The following CFAP251 variants were observed in gnomAD, a reference collection of about 807,000 sequenced individuals.
The protein encoded by CFAP251 is cilia and flagella associated protein 251.
In CFAP251, 93 loss-of-function variants were observed where a neutral mutation model predicts 126.7. The observed-to-expected ratio is 0.73, with a 90% confidence interval of 0.62 to 0.87. The LOEUF (loss-of-function observed/expected upper bound fraction) is 0.87, where lower values mean the gene tolerates loss of function less well. CFAP251 is among the 40% of genes least tolerant of loss of function. The pLI is 0.00. For synonymous variants in CFAP251, 503 were observed against 506.9 expected (o/e 0.99, Z 0.10); for missense variants, 1,287 against 1,389.2 (o/e 0.93, Z 1.17).
At chr12:121,951,049 T>G (rs1881503318) in intron 8 of CFAP251, 1 of 150,070 alleles carries the variant, frequency 6.7e-6, no homozygotes, top group Non-Finnish European at 1.5e-5. Flanking sequence ...CAAAACCCCA[T>G]CTCTACTAAA....
chr12:121,978,175 G>A (rs1405694361), intron 19 of CFAP251, among the ~76,000 whole-genome samples: 1 of 150,246 alleles, frequency 6.7e-6, no homozygotes, highest in Non-Finnish European at 1.5e-5. Flanking sequence ...GGTGGATCAC[G>A]AGGTCAGGAG....
chr12:121,985,302 G>A (rs1882719559), intron 19 of CFAP251, among the ~76,000 whole-genome samples: 1 of 152,114 alleles, frequency 6.6e-6, no homozygotes, highest in Non-Finnish European at 1.5e-5. Context: ...GGGAGGCCGA[G>A]GTGGGAGGAT....
At chr12:121,960,881 A>G in intron 14 of CFAP251, 123 bp downstream of exon 14, 4 of 1,194,202 alleles carry the variant, frequency 3.3e-6, no homozygotes, top group African/African-American at 1.5e-5. Context: ...ATGAATGCAC[A>G]GTGAAGGATC....
intron 21 of CFAP251, 38 bp downstream of exon 21, chr12:122,001,636 C>T (rs1049272739): frequency 3.9e-6 from 6 of 1,528,812 alleles, no homozygotes; most frequent in Non-Finnish European, 5.4e-6. Context: ...GTAGCTGTGG[C>T]TCACTGATTT....
intron 1 of CFAP251, 133 bp from the exon 2 acceptor site, chr12:121,921,153 A>T: frequency 9.4e-7 from 1 of 1,064,046 alleles, no homozygotes; most frequent in Non-Finnish European, 1.3e-6. Context: ...CTGGTCAGAA[A>T]CATGACATTC....
chr12:122,003,777 T>C lies in CFAP251; in HGVS notation c.*13T>C, dbSNP rs1250834009. 2 of 1,592,466 alleles carry C rather than the reference T, an allele frequency of 1.3e-6. No individual in the cohort carries two copies. Among genetic ancestry groups the C allele is most frequent in the East Asian group, 4.5e-5 (2 of 43,984 alleles). On this transcript the variant is annotated 3_prime_UTR_variant, in exon 22 of 22. Transcript: ENST00000288912. The stretch of plus-strand genomic sequence containing the variant: ...GGATGGTCAGTGAAGTTACCAGGAA[T>C]GTTTAAAGCACAAAGGACTTTGGGT...
At chr12:121,942,677 G>A in intron 6 of CFAP251, 32 bp downstream of exon 6, 1 of 1,563,904 alleles carries the variant, frequency 6.4e-7, no homozygotes, top group Admixed American at 1.7e-5. Context: ...GTCAGCATCA[G>A]CGAGCTGGCC....
chr12:121,977,752 G>A (rs963105799), intron 19 of CFAP251, among the ~76,000 whole-genome samples: 1 of 151,144 alleles, frequency 6.6e-6, no homozygotes, highest in African/African-American at 2.4e-5. Flanking sequence ...TCAGAAGATC[G>A]AGACCATCCT....
Position 121,989,411 on chromosome 12 carries a change from A to C in CFAP251, c.3007-10305A>C, listed in dbSNP as rs1882823648. The stretch of plus-strand genomic sequence containing the variant: ...GGGCAGAACTGTGCATGCATGCCCC[A>C]CTCCTGGAAAAAGAGGCAGTCGCCA... On this transcript the variant is annotated intron_variant, in intron 19 of 21. Coordinates refer to ENST00000288912, the MANE Select transcript of CFAP251 (RefSeq NM_144668.6). The surrounding 1 kb of genome is among the most constrained non-coding windows in gnomAD (Gnocchi z 4.2). Among the ~76,000 whole-genome samples, 1 of 152,140 alleles carries C rather than the reference A, an allele frequency of 6.6e-6. No individual in the cohort carries two copies. The highest frequency in any genetic ancestry group is 6.5e-5 in the Admixed American group (1 of 15,274).
intron 21 of CFAP251, 77 bp downstream of exon 21, chr12:122,001,675 C>T: frequency 8.8e-7 from 1 of 1,136,080 alleles, no homozygotes; most frequent in Non-Finnish European, 1.3e-6. Context: ...TTTATTTCTC[C>T]TGATCGGTGC....
Position 121,921,581 on chromosome 12 carries a change from A to G in CFAP251, c.276A>G (p.Ile92Met). Residue 92 changes from isoleucine to methionine, a missense_variant, in exon 2 of 22, where the codon ATA (isoleucine) becomes ATG (methionine). Physicochemically the swap from Ile to Met is conservative, Grantham distance 10 (BLOSUM62 1). Transcript: ENST00000288912. Reference sequence around the variant, plus strand: ...TCCAAGAGAAGGAGGCTTCAGGAATACAGGAAGAAACCACAGTAGAGCCCC... The same window carrying G: ...TCCAAGAGAAGGAGGCTTCAGGAATGCAGGAAGAAACCACAGTAGAGCCCC... ...GEVQEKEASG[I>M]QEETTVEPQE... 1 of 1,614,150 alleles carries G rather than the reference A, an allele frequency of 6.2e-7. No individual in the cohort carries two copies. Among genetic ancestry groups the G allele is most frequent in the Admixed American group, 1.7e-5 (1 of 60,004 alleles).
intron 4 of CFAP251, 60 bp downstream of exon 4, chr12:121,931,946 T>C: frequency 7.2e-7 from 1 of 1,396,892 alleles, no homozygotes; most frequent in Non-Finnish European, 9.4e-7. Flanking sequence ...GTGTGGTATT[T>C]TGTTTTGTAT....
intron 8 of CFAP251, chr12:121,951,199 C>T (rs999773603): frequency 2.1e-5 from 5 of 242,146 alleles, no homozygotes; most frequent in Admixed American, 1.0e-4. Flanking sequence ...CCAGGCTGGG[C>T]GATAGATGTG....
chr12:121,970,754 C>T (rs1032774137), intron 17 of CFAP251, among the ~76,000 whole-genome samples: 3 of 152,240 alleles, frequency 2.0e-5, no homozygotes, highest in Admixed American at 6.5e-5. Flanking sequence ...TCACGGACAG[C>T]GGCACACTTG....
Position 121,923,761 on chromosome 12 carries a change from C to A in CFAP251, c.518C>A (p.Ser173Tyr). ...AGTCCTGAGGAACAACAGATTAGTT[C>A]CCCTGAAAGGCAGCCCTCAGGAGAG... ...QISPEEQQIS[S>Y]PERQPSGELE... Residue 173 changes from serine (S) to tyrosine (Y), a missense_variant, in exon 3 of 22, where the codon TCC becomes TAC. Ser to Tyr is a moderately radical substitution (Grantham distance 144). Transcript: ENST00000288912. 2.5e-6 allele frequency: 4 copies of A among 1,614,102 alleles called. No individual in the cohort carries two copies. Among genetic ancestry groups the A allele is most frequent in the South Asian group, 2.2e-5 (2 of 91,070 alleles).
chr12:121,926,580 G>A (rs960837225), intron 3 of CFAP251, among the ~76,000 whole-genome samples: 5 of 152,068 alleles, frequency 3.3e-5, no homozygotes, highest in South Asian at 2.1e-4. Flanking sequence ...CTCCCGCCTC[G>A]GCCTCCCAAA....
At chr12:121,978,393 C>CAAAAAAAAAAA (rs10642280) in intron 19 of CFAP251, among the ~76,000 whole-genome samples, 1,094 of 42,062 alleles carry the variant, frequency 0.026, 180 homozygotes, top group African/African-American at 0.05. Flanking sequence ...GACTCTGTCT[C>CAAAAAAAAAAA]AAAAAAAAAA....
chr12:121,938,576 T>C (rs1480984001), intron 5 of CFAP251, among the ~76,000 whole-genome samples: 11 of 150,688 alleles, frequency 7.3e-5, no homozygotes, highest in Non-Finnish European at 4.4e-5. Flanking sequence ...GTGATCCACC[T>C]GACTCAGCCT....
intron 17 of CFAP251, among the ~76,000 whole-genome samples, chr12:121,973,160 TC>T (rs1248880604): frequency 2.6e-5 from 4 of 152,158 alleles, no homozygotes; most frequent in Non-Finnish European, 5.9e-5. Context: ...TCCCAGCCAC[TC>T]CAGTCATGGC....
Sources: allele counts gnomAD v4.1 joint callset (sites outside exome capture counted in the v4.1 genomes callset), GRCh38; gene constraint gnomAD v4.1.1; non-coding constraint Gnocchi (gnomAD v3.1); transcripts MANE v1.5; gene names NCBI Gene and HGNC (gene_info 2026-07-23, HGNC 2026-07-21).